NXPH1: variants seen among roughly 807,000 people sequenced by gnomAD.
The protein encoded by NXPH1 is neurexophilin 1.
A neutral mutation model predicts 23.7 loss-of-function variants in NXPH1; 5 were observed. That is an observed-to-expected ratio of 0.21 (90% CI 0.11 to 0.44). The LOEUF (loss-of-function observed/expected upper bound fraction) is 0.44, where lower values mean the gene tolerates loss of function less well. Ranked by LOEUF, NXPH1 falls within the 20% of genes least tolerant of loss-of-function variation. The probability of loss-of-function intolerance (pLI) is 0.99; values close to 1 mark genes in which losing one functional copy is unlikely to be tolerated. For missense variants in NXPH1, 324 were observed against 321.6 expected (o/e 1.01, Z -0.06); for synonymous variants, 144 against 122.2 (o/e 1.18, Z -1.18).
At chr7:8,538,583 C>G (rs1479112424) in intron 2 of NXPH1, among the ~76,000 whole-genome samples, 2 of 151,884 alleles carry the variant, frequency 1.3e-5, no homozygotes, top group Non-Finnish European at 2.9e-5. Flanking sequence ...TGGAACAGGT[C>G]ATGGCATGAA....
chr7:8,641,553 A>G (rs1267287665), intron 2 of NXPH1, among the ~76,000 whole-genome samples: 1 of 152,076 alleles, frequency 6.6e-6, no homozygotes, highest in African/African-American at 2.4e-5. Flanking sequence ...AATTTTCAAC[A>G]TTTTTAGCAG....
rs6980066 is a variant in NXPH1, at chr7:8,599,087, C to A, written c.55-151921C>A. On this transcript the variant is annotated intron_variant, in intron 2 of 2. Coordinates refer to ENST00000405863, the MANE Select transcript of NXPH1 (RefSeq NM_152745.3). ...TGATATAATGGAGGCAGTAGACATG[C>A]AAACAGTTAACTCAAATACAATGTA... 3.2e-3 allele frequency among the ~76,000 whole-genome samples: 479 copies of A among 151,996 alleles called. 3 individuals are homozygous for A. Among genetic ancestry groups the A allele is most frequent in the African/African-American group, 0.011 (452 of 41,438 alleles).
chr7:8,495,788 G>A (rs1817323631), intron 2 of NXPH1, among the ~76,000 whole-genome samples: 2 of 152,040 alleles, frequency 1.3e-5, no homozygotes, highest in Non-Finnish European at 1.5e-5. Context: ...AAGACTTAGA[G>A]GACTGGGGCT....
At chr7:8,569,763 T>C (rs537396870) in intron 2 of NXPH1, among the ~76,000 whole-genome samples, 14 of 151,854 alleles carry the variant, frequency 9.2e-5, no homozygotes, top group Admixed American at 9.2e-4. Context: ...CAGGTTTGAC[T>C]TGGTAAGAAA....
chr7:8,515,005 A>G (rs1296958445), intron 2 of NXPH1, among the ~76,000 whole-genome samples: 1 of 152,128 alleles, frequency 6.6e-6, no homozygotes, highest in Non-Finnish European at 1.5e-5. Flanking sequence ...CCCAAAGAAC[A>G]TTAGAATAAA....
chr7:8,581,208 T>C (rs1393767417), intron 2 of NXPH1, among the ~76,000 whole-genome samples: 1 of 152,204 alleles, frequency 6.6e-6, no homozygotes, highest in Non-Finnish European at 1.5e-5. Flanking sequence ...TATATACTTA[T>C]TAAAGACATC....
intron 2 of NXPH1, among the ~76,000 whole-genome samples, chr7:8,468,720 T>C (rs781304633): frequency 7.3e-4 from 111 of 152,184 alleles, no homozygotes; most frequent in African/African-American, 2.5e-3. Context: ...AGGTGACTGA[T>C]TGAAAATGCT....
At chr7:8,684,891 A>G (rs17151630) in intron 2 of NXPH1, among the ~76,000 whole-genome samples, 52,669 of 152,004 alleles carry the variant, frequency 0.35, 9,193 homozygotes, top group East Asian at 0.45. Context: ...AACATAAATA[A>G]TGTGTGGGTT....
At chr7:8,522,882 G>A (rs192959073) in intron 2 of NXPH1, among the ~76,000 whole-genome samples, 1 of 152,256 alleles carries the variant, frequency 6.6e-6, no homozygotes, top group East Asian at 1.9e-4. Flanking sequence ...TGTACCCATG[G>A]GGCTTCCCCT....
chr7:8,527,995 T>C (rs1188885256), intron 2 of NXPH1, among the ~76,000 whole-genome samples: 1 of 152,242 alleles, frequency 6.6e-6, no homozygotes, highest in Non-Finnish European at 1.5e-5. Flanking sequence ...CTCTGTAGAC[T>C]ATTTTCTTCG....
intron 2 of NXPH1, among the ~76,000 whole-genome samples, chr7:8,450,423 C>T (rs967285089): frequency 6.6e-6 from 1 of 152,258 alleles, no homozygotes; most frequent in Non-Finnish European, 1.5e-5. Context: ...AGACATCCAA[C>T]TAACTTAGCA....
intron 2 of NXPH1, among the ~76,000 whole-genome samples, chr7:8,607,932 G>A (rs1819530808): frequency 6.6e-6 from 1 of 152,234 alleles, no homozygotes; most frequent in Non-Finnish European, 1.5e-5. Context: ...CATACCTAGG[G>A]AAAATGCCAT....
chr7:8,638,431 C>T (rs932735920), intron 2 of NXPH1, among the ~76,000 whole-genome samples: 13 of 152,156 alleles, frequency 8.5e-5, no homozygotes, highest in African/African-American at 3.1e-4. Context: ...ATTACCACAG[C>T]TAGTGCTATT....
Position 8,459,209 on chromosome 7 carries a change from A to G in NXPH1, c.54+23442A>G, listed in dbSNP as rs553990781. On this transcript the variant is annotated intron_variant, in intron 2 of 2. Coordinates refer to ENST00000405863, the MANE Select transcript of NXPH1 (RefSeq NM_152745.3). ...TATTTTGCATGGAAAGTGGTTAATG[A>G]GGACATAAAATTATTCATTTTTACC... Among the ~76,000 whole-genome samples, 6 of 152,176 alleles carry G rather than the reference A, an allele frequency of 3.9e-5. No homozygotes were observed. In the South Asian group the frequency reaches 1.2e-3, roughly 32 times the overall value.
rs1414190753 is a variant in NXPH1 at position 8,631,990 on chromosome 7, G to A, written c.55-119018G>A. Among the ~76,000 whole-genome samples the A allele has an allele frequency of 3.3e-5, 5 of 152,084 alleles. No homozygotes were observed. In the South Asian group the frequency reaches 6.2e-4, roughly 19 times the overall value. ...TGAAGGAGGACACCATTATTCATGT[G>A]TAGGTTATAGGGTATTCTTTACTGT... On this transcript the variant is annotated intron_variant, in intron 2 of 2. Transcript: ENST00000405863.
In NXPH1 at chr7:8,710,435, C is replaced by G. The variant is rs189723393; in HGVS notation, c.55-40573C>G. 2.0e-5 allele frequency among the ~76,000 whole-genome samples: 3 copies of G among 152,222 alleles called. No individual in the cohort carries two copies. In the South Asian group the frequency reaches 6.2e-4, roughly 32 times the overall value. ...AGTTTACTAATGTGCGAGGTTTGTT[C>G]TCTGTCTTCTGCAACTCATATTTTA... On this transcript the variant is annotated intron_variant, in intron 2 of 2. Coordinates refer to ENST00000405863, the MANE Select transcript of NXPH1 (RefSeq NM_152745.3).
intron 2 of NXPH1, among the ~76,000 whole-genome samples, chr7:8,687,830 ATTTC>A (rs1821170679): frequency 6.6e-6 from 1 of 152,126 alleles, no homozygotes; most frequent in Admixed American, 6.5e-5. Context: ...TCTGAAAATT[ATTTC>A]TTTCTAGAAA....
intron 2 of NXPH1, among the ~76,000 whole-genome samples, chr7:8,745,305 G>A (rs1394471111): frequency 6.6e-6 from 1 of 152,120 alleles, no homozygotes; most frequent in Non-Finnish European, 1.5e-5. Flanking sequence ...TTTACCATAT[G>A]CATTATCTCA....
chr7:8,724,064 C>G (rs1780010345), intron 2 of NXPH1, among the ~76,000 whole-genome samples: 1 of 152,150 alleles, frequency 6.6e-6, no homozygotes, highest in South Asian at 2.1e-4. Context: ...GAATAGGGCC[C>G]ACAATAACTT....
Sources: allele counts gnomAD v4.1 joint callset (sites outside exome capture counted in the v4.1 genomes callset), GRCh38; gene constraint gnomAD v4.1.1; transcripts MANE v1.5; gene names NCBI Gene and HGNC (gene_info 2026-07-23, HGNC 2026-07-21).